CSMD1: variants seen among roughly 807,000 people sequenced by gnomAD.
CSMD1 encodes the protein CUB and sushi domain-containing protein 1.
In CSMD1, 213 loss-of-function variants were observed where a neutral mutation model predicts 417.5. That is an observed-to-expected ratio of 0.51 (90% CI 0.46 to 0.57). The LOEUF (loss-of-function observed/expected upper bound fraction) is 0.57. Ranked by LOEUF, CSMD1 falls within the 20% of genes least tolerant of loss-of-function variation. CSMD1 has a pLI of 0.00. For synonymous variants in CSMD1, 2,862 were observed against 1,736.8 expected, an observed-to-expected ratio of 1.65 and a Z score of -16.11; for missense variants, 6,923 against 4,529.7, an observed-to-expected ratio of 1.53 and a Z score of -15.17.
intron 1 of CSMD1, among the ~76,000 whole-genome samples, chr8:4,645,465 A>AAAAAAAAAAAAAAC (rs1563364600): frequency 6.6e-6 from 1 of 150,560 alleles, no homozygotes; most frequent in Non-Finnish European, 1.5e-5. Context: ...AAAAAAAAAA[A>AAAAAAAAAAAAAAC]AAGGCAAGCA....
chr8:3,182,681 G>GTGTGTGTGTGTGTA (rs1554454603), intron 36 of CSMD1, among the ~76,000 whole-genome samples: 3 of 124,010 alleles, frequency 2.4e-5, no homozygotes, highest in African/African-American at 8.6e-5. Context: ...GAAGCTGTGT[G>GTGTGTGTGTGTGTA]TGTGTGTGTG....
chr8:4,549,016 G>A (rs1306234595), intron 2 of CSMD1, among the ~76,000 whole-genome samples: 1 of 152,012 alleles, frequency 6.6e-6, no homozygotes, highest in African/African-American at 2.4e-5. Flanking sequence ...CAGATTATGA[G>A]TAATTAAGTA....
At chr8:4,740,588 C>T (rs912357463) in intron 1 of CSMD1, among the ~76,000 whole-genome samples, 13 of 152,194 alleles carry the variant, frequency 8.5e-5, no homozygotes, top group East Asian at 7.7e-4. Context: ...TCTCAGATAG[C>T]GTAACAAGCA....
At chr8:4,646,568 G>T (rs890327811) in intron 1 of CSMD1, among the ~76,000 whole-genome samples, 3 of 152,198 alleles carry the variant, frequency 2.0e-5, no homozygotes, top group African/African-American at 7.2e-5. Flanking sequence ...CCTGATTCCT[G>T]GGTGTTCGCA....
At chr8:3,918,502 T>C (rs910972331) in intron 5 of CSMD1, among the ~76,000 whole-genome samples, 2 of 152,186 alleles carry the variant, frequency 1.3e-5, no homozygotes, top group African/African-American at 2.4e-5. Flanking sequence ...TGCAGATATA[T>C]CTACTTGGGT....
At chr8:3,657,228 T>C (rs534179937) in intron 7 of CSMD1, among the ~76,000 whole-genome samples, 6 of 152,258 alleles carry the variant, frequency 3.9e-5, no homozygotes, top group African/African-American at 1.4e-4. Context: ...CCTTGGGGTA[T>C]AATCAACATA....
intron 1 of CSMD1, among the ~76,000 whole-genome samples, chr8:4,906,188 A>G (rs1805262467): frequency 6.6e-6 from 1 of 152,212 alleles, no homozygotes; most frequent in Non-Finnish European, 1.5e-5. Context: ...TTGAGTCTAG[A>G]AAATCACCCT....
At chr8:3,487,474 T>C (rs999402528) in intron 11 of CSMD1, among the ~76,000 whole-genome samples, 6 of 152,204 alleles carry the variant, frequency 3.9e-5, no homozygotes, top group Non-Finnish European at 8.8e-5. Context: ...GTGTTGGGAT[T>C]ACAGGCATGA....
chr8:3,643,454 G>C (rs917878518), intron 7 of CSMD1, among the ~76,000 whole-genome samples: 1 of 151,960 alleles, frequency 6.6e-6, no homozygotes, highest in Non-Finnish European at 1.5e-5. Context: ...TGTAATCCTA[G>C]CACTTTGGGA....
intron 25 of CSMD1, among the ~76,000 whole-genome samples, chr8:3,295,964 G>A (rs191302430): frequency 6.2e-4 from 94 of 152,168 alleles, no homozygotes; most frequent in African/African-American, 2.0e-3. Flanking sequence ...TCCTGCCTTC[G>A]TGGAGTTCGT....
At chr8:3,293,166 T>C (rs1344489735) in intron 25 of CSMD1, among the ~76,000 whole-genome samples, 1 of 152,204 alleles carries the variant, frequency 6.6e-6, no homozygotes, top group African/African-American at 2.4e-5. Flanking sequence ...CACTCTCTTC[T>C]GGCTTGTAGA....
At chr8:4,313,944 G>A (rs962223012) in intron 3 of CSMD1, among the ~76,000 whole-genome samples, 1 of 151,940 alleles carries the variant, frequency 6.6e-6, no homozygotes, top group Non-Finnish European at 1.5e-5. Flanking sequence ...AACCTGGGAG[G>A]CAGAGGTTGC....
intron 1 of CSMD1, among the ~76,000 whole-genome samples, chr8:4,869,040 C>G (rs528261892): frequency 6.6e-6 from 1 of 151,450 alleles, no homozygotes; most frequent in Non-Finnish European, 1.5e-5. Flanking sequence ...TACTACATAC[C>G]ATTTCCAAAC....
intron 5 of CSMD1, among the ~76,000 whole-genome samples, chr8:3,828,615 T>A (rs977380279): frequency 5.9e-5 from 9 of 152,168 alleles, no homozygotes; most frequent in Non-Finnish European, 1.3e-4. Flanking sequence ...CATTTCTTCC[T>A]GTCCCAATCC....
intron 2 of CSMD1, among the ~76,000 whole-genome samples, chr8:4,420,957 A>C (rs903688577): frequency 6.6e-6 from 1 of 152,116 alleles, no homozygotes; most frequent in East Asian, 1.9e-4. Flanking sequence ...GGTACAATTC[A>C]CGGGGATCTT....
chr8:3,552,288 C>T (rs912646847), intron 10 of CSMD1, among the ~76,000 whole-genome samples: 10 of 151,810 alleles, frequency 6.6e-5, no homozygotes, highest in African/African-American at 2.4e-4. Context: ...TCTAAATATG[C>T]ATCATCCACA....
chr8:3,709,732 G>T (rs1280380332), intron 6 of CSMD1, among the ~76,000 whole-genome samples: 2 of 92,538 alleles, frequency 2.2e-5, no homozygotes, highest in African/African-American at 8.4e-5. Context: ...CTTTCTGACT[G>T]GAGCTAAAAC....
At chr8:4,460,947 C>T (rs1409282847) in intron 2 of CSMD1, among the ~76,000 whole-genome samples, 4 of 151,000 alleles carry the variant, frequency 2.6e-5, no homozygotes, top group African/African-American at 9.9e-5. Context: ...ATATCAAAGC[C>T]AGACATAGTT....
At chr8:3,077,591 C>T (rs1417475554) in intron 49 of CSMD1, among the ~76,000 whole-genome samples, 1 of 152,186 alleles carries the variant, frequency 6.6e-6, no homozygotes, top group Admixed American at 6.5e-5. Context: ...GCTTATTTTT[C>T]CTGTCTCAGC....
Sources: gnomAD v4.1 joint callset for allele counts (sites outside exome capture counted in the v4.1 genomes callset) on GRCh38, gnomAD v4.1.1 for gene constraint, MANE v1.5 for transcripts, NCBI Gene and HGNC (gene_info 2026-07-23, HGNC 2026-07-21) for gene names.